The following KNDC1 variants were observed in gnomAD, a reference collection of about 807,000 sequenced individuals.
KNDC1 encodes kinase non-catalytic C-lobe domain containing 1.
In KNDC1, 106 loss-of-function variants were observed where a neutral mutation model predicts 172.8. The observed-to-expected ratio is 0.61, with a 90% CI of 0.52 to 0.72. The LOEUF (loss-of-function observed/expected upper bound fraction) is 0.72. KNDC1 is among the 30% of genes least tolerant of loss of function. KNDC1 has a pLI of 0.00. For synonymous variants in KNDC1, 1,083 were observed against 1,062.2 expected (o/e 1.02, Z -0.38); for missense variants, 2,325 against 2,394.5 (o/e 0.97, Z 0.61).
At chr10:133,172,559 G>A (rs977402004) in intron 3 of KNDC1, among the ~76,000 whole-genome samples, 1 of 152,178 alleles carries the variant, frequency 6.6e-6, no homozygotes, top group African/African-American at 2.4e-5. Context: ...TTCTAATCCT[G>A]TATAAGCAGC....
At chr10:133,215,476 C>T (rs753881853) in intron 26 of KNDC1, among the ~76,000 whole-genome samples, 4 of 152,264 alleles carry the variant, frequency 2.6e-5, no homozygotes, top group Admixed American at 6.5e-5. Flanking sequence ...CGCCAGGGCA[C>T]GCCAGCACGG....
chr10:133,161,982 T>A (rs1165173224), intron 1 of KNDC1, among the ~76,000 whole-genome samples: 2 of 151,878 alleles, frequency 1.3e-5, no homozygotes, highest in Non-Finnish European at 2.9e-5. Flanking sequence ...CCACTCCCGC[T>A]CCCCACCCCC....
chr10:133,209,558 C>G lies in KNDC1; in HGVS notation c.3795-1053C>G, dbSNP rs1322609808. Among the ~76,000 whole-genome samples, 1 of 151,270 alleles carries G rather than the reference C, an allele frequency of 6.6e-6. No individual in the cohort carries two copies. The highest frequency in any genetic ancestry group is 1.9e-4 in the East Asian group (1 of 5,138). On this transcript the variant is annotated intron_variant, in intron 20 of 29. Coordinates refer to ENST00000304613, the MANE Select transcript of KNDC1 (RefSeq NM_152643.8). This position sits in a 1 kb window ranked among gnomAD's most constrained non-coding sequence, Gnocchi z 4.9. ...GGTGTGCGCGTCTGGTTGTCGAGTT[C>G]TGTGTGGCTTTGTCCACGTGTGTGG...
At chr10:133,180,108 G>T (rs1044637634) in intron 3 of KNDC1, among the ~76,000 whole-genome samples, 1 of 152,264 alleles carries the variant, frequency 6.6e-6, no homozygotes, top group African/African-American at 2.4e-5. Flanking sequence ...TCAAACGGCT[G>T]CTCTTCGCCG....
At chr10:133,169,653 G>A (rs545162827) in intron 3 of KNDC1, among the ~76,000 whole-genome samples, 11 of 152,300 alleles carry the variant, frequency 7.2e-5, no homozygotes, top group East Asian at 3.9e-4. Flanking sequence ...CCTGGTGGCC[G>A]TGACGCGGCA....
chr10:133,207,297 C>A lies in KNDC1; in HGVS notation c.3740C>A (p.Ala1247Asp), dbSNP rs1845227430. 6.2e-7 allele frequency: 1 copy of A among 1,612,874 alleles called. No homozygotes were observed. The highest frequency in any genetic ancestry group is 8.5e-7 in the Non-Finnish European group (1 of 1,179,990). ...AAGCACCCGGGCGGCCGGCAGAAGG[C>A]CCGCATCCTGCAGGCCGGCACGCCG... Reference protein sequence around the residue: ...VNKHPGGRQKARILQAGTPLG... With the variant: ...VNKHPGGRQKDRILQAGTPLG... Residue 1247 changes from alanine to aspartate, a missense_variant, in exon 20 of 30, where the codon GCC becomes GAC. Coordinates refer to ENST00000304613, the MANE Select transcript of KNDC1 (RefSeq NM_152643.8).
At chr10:133,186,989 C>G (rs368304682) in intron 6 of KNDC1, among the ~76,000 whole-genome samples, 1 of 152,204 alleles carries the variant, frequency 6.6e-6, no homozygotes, top group Non-Finnish European at 1.5e-5. Context: ...AATTTTCTTC[C>G]GGGAAGCAAG....
rs781481414 is a variant in KNDC1 at position 133,207,296 on chromosome 10, G to A, written c.3739G>A (p.Ala1247Thr). 1.9e-6 allele frequency: 3 copies of A among 1,612,992 alleles called. No homozygotes were observed. Among genetic ancestry groups the A allele is most frequent in the Admixed American group, 3.3e-5 (2 of 60,010 alleles). Residue 1247 changes from alanine (A) to threonine (T), a missense_variant, in exon 20 of 30, where the codon GCC becomes ACC. Physicochemically the swap from Ala to Thr is moderately conservative, Grantham distance 58 (BLOSUM62 0). Transcript: ENST00000304613. Reference sequence around the variant, plus strand: ...CAAGCACCCGGGCGGCCGGCAGAAGGCCCGCATCCTGCAGGCCGGCACGCC... The same window carrying A: ...CAAGCACCCGGGCGGCCGGCAGAAGACCCGCATCCTGCAGGCCGGCACGCC... ...VNKHPGGRQK[A>T]RILQAGTPLG...
chr10:133,211,507 G>C lies in KNDC1; in HGVS notation c.3994G>C (p.Ala1332Pro). ...GCAGGCCTGGGTGGAGGACTGCTACGCTGTGGACTTCCCTCGGAACAGCGG... is the reference window on the plus strand; with the variant it reads ...GCAGGCCTGGGTGGAGGACTGCTACCCTGTGGACTTCCCTCGGAACAGCGG... ...VLQAWVEDCY[A>P]VDFPRNSGLL... The change falls in exon 22 of 30, where the codon GCT becomes CCT. Residue 1332 changes from alanine to proline, a missense_variant. Coordinates refer to ENST00000304613, the MANE Select transcript of KNDC1 (RefSeq NM_152643.8). 1 of 1,614,006 alleles carries C rather than the reference G, an allele frequency of 6.2e-7. No individual in the cohort carries two copies. The highest frequency in any genetic ancestry group is 8.5e-7 in the Non-Finnish European group (1 of 1,179,912).
chr10:133,203,534 C>A (rs1334853674), intron 17 of KNDC1, among the ~76,000 whole-genome samples: 1 of 152,276 alleles, frequency 6.6e-6, no homozygotes, highest in Non-Finnish European at 1.5e-5. Flanking sequence ...GCGGCTGGAG[C>A]AGCCGGTGGG....
chr10:133,203,773 TGTGGATTTTAGTTACC>T (rs1197129485), intron 17 of KNDC1, among the ~76,000 whole-genome samples: 3 of 152,226 alleles, frequency 2.0e-5, no homozygotes, highest in Non-Finnish European at 2.9e-5. Flanking sequence ...CCACATGTGG[TGTGGATTTTAGTTACC>T]GTGGATTTAT....
At position 133,183,087 on chromosome 10, in the gene KNDC1, G is replaced by A. The variant is rs4838706; in HGVS notation, c.361-257G>A. On this transcript the variant is annotated intron_variant, in intron 3 of 29. Coordinates refer to ENST00000304613, the MANE Select transcript of KNDC1 (RefSeq NM_152643.8). Reference sequence around the variant, plus strand: ...GGTGTGGGCGGCGTGGGCACGGGCAGTGTGGACGTGGGTGGCGGCAGGGGC... The same window carrying A: ...GGTGTGGGCGGCGTGGGCACGGGCAATGTGGACGTGGGTGGCGGCAGGGGC... Among the ~76,000 whole-genome samples the A allele has an allele frequency of 4.0e-5, 6 of 150,314 alleles. 1 individual carries two copies. The South Asian group carries it at 6.3e-4, about 16-fold the overall frequency.
At chr10:133,185,831 G>GGGGAGGGGAGAGGTGGGAGGGGAGGGGT in intron 5 of KNDC1, 143 bp from the exon 6 acceptor site, 2 of 82,002 alleles carry the variant, frequency 2.4e-5, no homozygotes, top group Non-Finnish European at 5.3e-5. Context: ...GATCGTGGGA[G>GGGGAGGGGAGAGGTGGGAGGGGAGGGGT]GGGAGGAGAG....
intron 6 of KNDC1, among the ~76,000 whole-genome samples, chr10:133,187,408 C>A (rs1377577449): frequency 6.6e-6 from 1 of 152,272 alleles, no homozygotes; most frequent in Non-Finnish European, 1.5e-5. Flanking sequence ...CAGTGAGCCA[C>A]CCCCAGCTGT....
chr10:133,187,219 C>T (rs1441095314), intron 6 of KNDC1, among the ~76,000 whole-genome samples: 1 of 152,252 alleles, frequency 6.6e-6, no homozygotes, highest in Non-Finnish European at 1.5e-5. Context: ...CGGACGTGGC[C>T]TCCACACAGG....
rs1386200765 is a variant in KNDC1, at chr10:133,198,581, C to T, written c.2073C>T (p.Asp691=). ...CTGAGCTCTGCTCCTCCCGTAGGGACCAGCCTGCCTTGGCCCAGGAGGAGT... is the reference window on the plus strand; with the variant it reads ...CTGAGCTCTGCTCCTCCCGTAGGGATCAGCCTGCCTTGGCCCAGGAGGAGT... ...VLAQNASVAR[D]QPALAQEESE... The change falls in exon 14 of 30, where the codon GAC becomes GAT. Residue 691 remains aspartate, a synonymous_variant. Coordinates refer to ENST00000304613, the MANE Select transcript of KNDC1 (RefSeq NM_152643.8). 6.3e-7 allele frequency: 1 copy of T among 1,587,762 alleles called. No homozygotes were observed. Among genetic ancestry groups the T allele is most frequent in the South Asian group, 1.1e-5 (1 of 87,408 alleles).
chr10:133,178,085 G>T (rs1373335591), intron 3 of KNDC1, among the ~76,000 whole-genome samples: 3 of 149,670 alleles, frequency 2.0e-5, no homozygotes, highest in Admixed American at 2.0e-4. Context: ...TGTGCAGTTT[G>T]GTGTGTGTGC....
intron 9 of KNDC1, among the ~76,000 whole-genome samples, chr10:133,192,971 T>C (rs528537920): frequency 6.6e-6 from 1 of 151,858 alleles, no homozygotes; most frequent in South Asian, 2.1e-4. Context: ...ACATGATCAA[T>C]GCAAAGAAAT....
At chr10:133,193,486 T>C (rs115395730) in intron 9 of KNDC1, among the ~76,000 whole-genome samples, 2,592 of 151,794 alleles carry the variant, frequency 0.017, 73 homozygotes, top group African/African-American at 0.057. Context: ...GATACAGCCA[T>C]TGCACTCCAG....
Sources: gnomAD v4.1 joint callset for allele counts (sites outside exome capture counted in the v4.1 genomes callset) on GRCh38, gnomAD v4.1.1 for gene constraint, Gnocchi (gnomAD v3.1) non-coding constraint, MANE v1.5 for transcripts, NCBI Gene and HGNC (gene_info 2026-07-23, HGNC 2026-07-21) for gene names.